Variants in PPP4R1 observed in about 807,000 individuals in gnomAD.
The protein encoded by PPP4R1 is protein phosphatase 4 regulatory subunit 1.
A neutral mutation model predicts 111.2 loss-of-function variants in PPP4R1; 42 were observed. The observed-to-expected ratio is 0.38, with a 90% CI of 0.29 to 0.49. The LOEUF (loss-of-function observed/expected upper bound fraction) is 0.49. PPP4R1 is among the 20% of genes least tolerant of loss of function. The pLI, the probability that PPP4R1 is intolerant of heterozygous loss-of-function variation, is 0.97. For synonymous variants in PPP4R1, 409 were observed against 405.5 expected (o/e 1.01, Z -0.10); for missense variants, 1,012 against 1,161.6 (o/e 0.87, Z 1.87).
intron 2 of PPP4R1, chr18:9,613,564 C>G (rs2067622087): frequency 1.3e-5 from 2 of 152,210 alleles, no homozygotes; most frequent in Admixed American, 6.5e-5. Context: ...TGAAGGAGGG[C>G]TGGGTGATTT....
intron 15 of PPP4R1, among the ~76,000 whole-genome samples, chr18:9,554,835 C>A (rs2066545428): frequency 6.6e-6 from 1 of 152,214 alleles, no homozygotes; most frequent in Admixed American, 6.5e-5. Flanking sequence ...CAAGAGGCAG[C>A]TTTAAGGGGT....
chr18:9,615,598 C>T (rs577408018), upstream of PPP4R1, among the ~76,000 whole-genome samples: 1 of 152,304 alleles, frequency 6.6e-6, no homozygotes, highest in Admixed American at 6.5e-5. Context: ...TGGGGCTAAA[C>T]CCAGGTTTTC....
At chr18:9,603,595 C>A (rs1016162160) in intron 2 of PPP4R1, among the ~76,000 whole-genome samples, 1 of 152,110 alleles carries the variant, frequency 6.6e-6, no homozygotes, top group Non-Finnish European at 1.5e-5. Flanking sequence ...ACAGTCCTCC[C>A]AACTCAGCCT....
chr18:9,588,988 T>G, intron 4 of PPP4R1, 135 bp from the exon 5 acceptor site: 2 of 1,078,826 alleles, frequency 1.9e-6, no homozygotes, highest in Non-Finnish European at 2.7e-6. Flanking sequence ...CATCCTTTAA[T>G]TCTGCATTCC....
At chr18:9,553,589 T>C (rs1255165200) in intron 15 of PPP4R1, among the ~76,000 whole-genome samples, 167 bp from the exon 16 acceptor site, 1 of 152,266 alleles carries the variant, frequency 6.6e-6, no homozygotes, top group Non-Finnish European at 1.5e-5. Context: ...TATTTTTCCC[T>C]GAATAATTCC....
Position 9,547,683 on chromosome 18 carries a change from G to T in PPP4R1, c.*106C>A. ...CACCTGCAATGAAGTCCGCAGGAGA[G>T]GAAGGTCTCTCCTCCCCCGAAAGCT... On this transcript the variant is annotated 3_prime_UTR_variant, in exon 20 of 20. Transcript: ENST00000400556. 1 of 1,389,648 alleles carries T rather than the reference G, an allele frequency of 7.2e-7. No individual in the cohort carries two copies. Among genetic ancestry groups the T allele is most frequent in the Non-Finnish European group, 9.9e-7 (1 of 1,005,094 alleles). 86.1% of individuals were successfully genotyped at this position (1,389,648 alleles called of 1,614,324 possible).
intron 9 of PPP4R1, among the ~76,000 whole-genome samples, chr18:9,581,889 G>A (rs114030362): frequency 7.6e-4 from 115 of 152,212 alleles, no homozygotes; most frequent in African/African-American, 2.6e-3. Flanking sequence ...TGACTTCACA[G>A]TAGAAACAGA....
chr18:9,587,408 GT>G (rs1351832510), intron 6 of PPP4R1: 42 of 101,884 alleles, frequency 4.1e-4, no homozygotes, highest in African/African-American at 1.6e-3. Flanking sequence ...TTTTTTTTTT[GT>G]TTTGTTTTTT....
chr18:9,577,642 G>A (rs1206950924), intron 9 of PPP4R1, among the ~76,000 whole-genome samples: 2 of 152,104 alleles, frequency 1.3e-5, no homozygotes, highest in Non-Finnish European at 2.9e-5. Context: ...ACTCCAGCCT[G>A]GGTGACAGAG....
chr18:9,560,138 G>C (rs2066649806), intron 13 of PPP4R1, among the ~76,000 whole-genome samples: 1 of 152,116 alleles, frequency 6.6e-6, no homozygotes, highest in South Asian at 2.1e-4. Flanking sequence ...AAATCAGCCA[G>C]GTATGGTGGC....
intron 3 of PPP4R1, chr18:9,594,367 A>T (rs1178404465): frequency 6.6e-6 from 1 of 152,426 alleles, no homozygotes; most frequent in Non-Finnish European, 1.5e-5. Flanking sequence ...ACAAGATGAG[A>T]CTGAATATTT....
intron 2 of PPP4R1, among the ~76,000 whole-genome samples, chr18:9,598,628 A>G (rs1344291313): frequency 6.6e-6 from 1 of 152,212 alleles, no homozygotes; most frequent in Non-Finnish European, 1.5e-5. Context: ...CATCAACAGC[A>G]GACATGCACT....
chr18:9,548,720 C>T (rs889363709), intron 19 of PPP4R1, among the ~76,000 whole-genome samples: 2 of 152,122 alleles, frequency 1.3e-5, no homozygotes, highest in African/African-American at 2.4e-5. Flanking sequence ...AGTTCGAGAC[C>T]GGCCTGGCCA....
intron 2 of PPP4R1, chr18:9,613,948 G>A (rs2067633021): frequency 4.1e-6 from 1 of 244,836 alleles, no homozygotes; most frequent in Middle Eastern, 1.3e-3. Context: ...CCACTGCTGA[G>A]CCCGCAGGCG....
Position 9,614,281 on chromosome 18 carries a change from G to C in PPP4R1, c.8-11C>G. 7.6e-7 allele frequency: 1 copy of C among 1,312,100 alleles called. No individual in the cohort carries two copies. The highest frequency in any genetic ancestry group is 9.8e-7 in the Non-Finnish European group (1 of 1,017,954). 81.3% of individuals were successfully genotyped at this position (1,312,100 alleles called of 1,614,324 possible). A position where few individuals can be genotyped will look rare whatever the true frequency, so the allele number is the denominator to read the frequency against. ...GAAGCAGCGAGAGGTCTGCGCCGAGGGGAGAGAAGAAAGGCCCGGTCAGCG... is the reference window on the plus strand; with the variant it reads ...GAAGCAGCGAGAGGTCTGCGCCGAGCGGAGAGAAGAAAGGCCCGGTCAGCG... On this transcript the variant is annotated splice_polypyrimidine_tract_variant and intron_variant, in intron 1 of 19. Transcript: ENST00000400556. The surrounding 1 kb of genome is among the most constrained non-coding windows in gnomAD (Gnocchi z 4.1).
At chr18:9,567,689 A>C (rs1048301015) in intron 11 of PPP4R1, among the ~76,000 whole-genome samples, 1 of 152,178 alleles carries the variant, frequency 6.6e-6, no homozygotes. Context: ...GAGAAGACTG[A>C]CTCTAATTTT....
At chr18:9,591,029 A>G (rs2067202442) in intron 4 of PPP4R1, among the ~76,000 whole-genome samples, 1 of 152,106 alleles carries the variant, frequency 6.6e-6, no homozygotes, top group Non-Finnish European at 1.5e-5. Context: ...CCAATTTTTT[A>G]AAGGGGGAAG....
At position 9,583,204 on chromosome 18, in the gene PPP4R1, C is replaced by G. The variant is rs1396732654; in HGVS notation, c.831G>C (p.Met277Ile). 1.9e-6 allele frequency: 3 copies of G among 1,611,352 alleles called. No individual in the cohort carries two copies. Among genetic ancestry groups the G allele is most frequent in the Non-Finnish European group, 2.5e-6 (3 of 1,178,054 alleles). The change falls in exon 9 of 20, where the codon ATG (methionine) becomes ATC (isoleucine). Residue 277 changes from methionine to isoleucine, a missense_variant. Around this residue, in one of 2 missense-constraint regions of PPP4R1, gnomAD observed 707 missense variants for 742.1 expected, o/e 0.95. Coordinates refer to ENST00000400556, the MANE Select transcript of PPP4R1 (RefSeq NM_001042388.3). ...CTTGACATGTTGCACATGAAACCGC[C>G]ATGAAGCATTCAGCACAAGCCTTTC... Reference protein sequence around the residue: ...GVRKACAECFMAVSCATCQEI... With the variant: ...GVRKACAECFIAVSCATCQEI...
At chr18:9,586,879 C>G (rs148248627) in intron 6 of PPP4R1, among the ~76,000 whole-genome samples, 275 of 152,178 alleles carry the variant, frequency 1.8e-3, no homozygotes, top group African/African-American at 6.2e-3. Flanking sequence ...TAATTCATGC[C>G]CTATCATGGC....
Sources: gnomAD v4.1 joint callset for allele counts (sites outside exome capture counted in the v4.1 genomes callset) on GRCh38, gnomAD v4.1.1 for gene constraint, gnomAD v4.1.1 regional missense constraint, Gnocchi (gnomAD v3.1) non-coding constraint, MANE v1.5 for transcripts, NCBI Gene and HGNC (gene_info 2026-07-23, HGNC 2026-07-21) for gene names.